CNTN1: variants seen among roughly 807,000 people sequenced by gnomAD.
The protein encoded by CNTN1 is contactin-1.
In CNTN1, 38 loss-of-function variants were observed where a neutral mutation model predicts 126.4. The ratio of observed to expected loss-of-function variants is 0.30; its 90% confidence interval spans 0.23 to 0.39. CNTN1 has a LOEUF of 0.39. CNTN1 is among the 10% of genes least tolerant of loss of function. The pLI, the probability that CNTN1 is intolerant of heterozygous loss-of-function variation, is 1.00. For synonymous variants in CNTN1, 413 were observed against 422.6 expected (o/e 0.98, Z 0.28); for missense variants, 1,009 against 1,248.4 (o/e 0.81, Z 2.89).
chr12:41,008,359 T>C (rs181632496), intron 17 of CNTN1, among the ~76,000 whole-genome samples: 2 of 152,378 alleles, frequency 1.3e-5, no homozygotes, highest in Admixed American at 6.5e-5. Flanking sequence ...GGTTTGCTTC[T>C]ACCAAATGTT....
In CNTN1 at chr12:40,747,305, A is replaced by ATGTGTGTGTGTGTGTG. The variant is rs58826763; in HGVS notation, c.-77+54725_-77+54740dup. ...TAGTATTCCAATATTTTGTGAAGGG[A>ATGTGTGTGTGTGTGTG]TGTGTGTGTGTGTGTGTGTGTGTGT... On this transcript the variant is annotated intron_variant, in intron 1 of 23. Coordinates refer to ENST00000551295, the MANE Select transcript of CNTN1 (RefSeq NM_001843.4). Among the ~76,000 whole-genome samples, 477 of 148,344 alleles carry ATGTGTGTGTGTGTGTG rather than the reference A, an allele frequency of 3.2e-3. 3 individuals carry two copies. Among genetic ancestry groups the ATGTGTGTGTGTGTGTG allele is most frequent in the East Asian group, 0.014 (68 of 4,990 alleles).
chr12:40,714,004 T>A (rs1941988718), intron 1 of CNTN1, among the ~76,000 whole-genome samples: 1 of 152,036 alleles, frequency 6.6e-6, no homozygotes, highest in Admixed American at 6.6e-5. Context: ...TGCCGATCAC[T>A]GGAAAGATCT....
chr12:40,807,539 C>T (rs1357780078), intron 1 of CNTN1, among the ~76,000 whole-genome samples: 2 of 152,146 alleles, frequency 1.3e-5, no homozygotes. Context: ...CTCTCATTTT[C>T]AAGGACTCTG....
At chr12:40,972,016 A>C (rs1003251192) in intron 15 of CNTN1, 36 of 986,610 alleles carry the variant, frequency 3.6e-5, no homozygotes, top group Non-Finnish European at 4.3e-5. Context: ...AGTACCATAC[A>C]TATTCTTTGG....
intron 17 of CNTN1, among the ~76,000 whole-genome samples, chr12:41,013,353 T>C (rs1026364226): frequency 6.6e-6 from 1 of 152,162 alleles, no homozygotes; most frequent in African/African-American, 2.4e-5. Context: ...TGCTTGTTTA[T>C]GTCTGCAGCT....
rs868616782 is a variant in CNTN1, at chr12:41,028,091, G to A, written c.2823+122G>A. On this transcript the variant is annotated intron_variant, in intron 22 of 23. Transcript: ENST00000551295. Reference sequence around the variant, plus strand: ...CTGTCACCCAGACCGGAGTGCAGTGGTACAATCTTGGCTCATTGCAGCCTC... The same window carrying A: ...CTGTCACCCAGACCGGAGTGCAGTGATACAATCTTGGCTCATTGCAGCCTC... 1.9e-5 allele frequency: 13 copies of A among 701,528 alleles called. No individual in the cohort carries two copies. The Middle Eastern group carries it at 1.1e-3, about 61-fold the overall frequency. The allele number at this position is 701,528 out of a possible 1,614,324, so 43.5% of individuals were successfully genotyped here. A position where few individuals can be genotyped will look rare whatever the true frequency, so the allele number is the denominator to read the frequency against.
chr12:40,712,592 A>G (rs1941947377), intron 1 of CNTN1, among the ~76,000 whole-genome samples: 2 of 151,992 alleles, frequency 1.3e-5, no homozygotes, highest in South Asian at 4.1e-4. Context: ...AGCCCAACCA[A>G]CCCCATAGCC....
rs142151923 is a variant in CNTN1, at chr12:41,047,129, C to T, written c.2980+17910C>T. On this transcript the variant is annotated intron_variant, in intron 23 of 23. Coordinates refer to ENST00000551295, the MANE Select transcript of CNTN1 (RefSeq NM_001843.4). ...CTTGCATTCCCATCCCCAACATTCA[C>T]CCTCTCACCAGCACCACATACCTAG... Among the ~76,000 whole-genome samples, 63 of 152,138 alleles carry T rather than the reference C, an allele frequency of 4.1e-4. 1 individual carries two copies. The East Asian group carries it at 0.01, about 25-fold the overall frequency.
At chr12:40,696,668 C>G (rs1941459391) in intron 1 of CNTN1, among the ~76,000 whole-genome samples, 1 of 152,142 alleles carries the variant, frequency 6.6e-6, no homozygotes, top group Non-Finnish European at 1.5e-5. Flanking sequence ...AATGTAGCAG[C>G]AGGAGGATGG....
chr12:40,792,503 GA>G (rs11344765), intron 1 of CNTN1, among the ~76,000 whole-genome samples: 146,303 of 152,022 alleles, frequency 0.96, 70,640 homozygotes, highest in East Asian at 1. Flanking sequence ...AGGAGGTAAT[GA>G]AAAACATTCA....
chr12:40,890,518 T>C (rs1327285368), intron 1 of CNTN1, among the ~76,000 whole-genome samples: 1 of 152,116 alleles, frequency 6.6e-6, no homozygotes, highest in Non-Finnish European at 1.5e-5. Flanking sequence ...TTCTCCCTCC[T>C]TGCTAACCCC....
At chr12:40,747,552 T>C (rs1298762906) in intron 1 of CNTN1, among the ~76,000 whole-genome samples, 2 of 152,094 alleles carry the variant, frequency 1.3e-5, no homozygotes, top group Non-Finnish European at 2.9e-5. Flanking sequence ...GTTCTAAGTA[T>C]GTGGACCCAC....
intron 1 of CNTN1, among the ~76,000 whole-genome samples, chr12:40,903,793 A>G (rs1944701717): frequency 6.6e-6 from 1 of 152,234 alleles, no homozygotes; most frequent in Admixed American, 6.5e-5. Context: ...GGAATAACAC[A>G]GAGAGGCTCA....
At chr12:40,767,064 A>G (rs1939123261) in intron 1 of CNTN1, among the ~76,000 whole-genome samples, 1 of 152,182 alleles carries the variant, frequency 6.6e-6, no homozygotes, top group African/African-American at 2.4e-5. Context: ...TGGGTTAATA[A>G]TAATGAACAT....
intron 1 of CNTN1, among the ~76,000 whole-genome samples, chr12:40,778,597 T>A (rs941940511): frequency 2.6e-5 from 4 of 151,864 alleles, no homozygotes; most frequent in African/African-American, 9.7e-5. Flanking sequence ...TTTCAAAGTA[T>A]CTTTTATGAA....
At chr12:40,850,029 A>G (rs996244331) in intron 1 of CNTN1, among the ~76,000 whole-genome samples, 1 of 152,078 alleles carries the variant, frequency 6.6e-6, no homozygotes, top group African/African-American at 2.4e-5. Context: ...AATCAATTCC[A>G]ATCAACTCTT....
At chr12:40,712,517 C>T (rs1941944954) in intron 1 of CNTN1, among the ~76,000 whole-genome samples, 1 of 151,962 alleles carries the variant, frequency 6.6e-6, no homozygotes, top group South Asian at 2.1e-4. Flanking sequence ...TGCTAGGAAC[C>T]TGCTGATCCA....
intron 1 of CNTN1, among the ~76,000 whole-genome samples, chr12:40,841,861 TAGA>T (rs943113259): frequency 2.0e-5 from 3 of 152,012 alleles, no homozygotes; most frequent in African/African-American, 4.8e-5. Flanking sequence ...CCTTAAGAAC[TAGA>T]AGAAGACAAG....
intron 1 of CNTN1, among the ~76,000 whole-genome samples, chr12:40,827,449 A>G (rs1941651793): frequency 6.6e-6 from 1 of 152,132 alleles, no homozygotes; most frequent in African/African-American, 2.4e-5. Flanking sequence ...TTTTATAGCC[A>G]CATATTTTCT....
Sources: allele counts gnomAD v4.1 joint callset (sites outside exome capture counted in the v4.1 genomes callset), GRCh38; gene constraint gnomAD v4.1.1; transcripts MANE v1.5; gene names NCBI Gene and HGNC (gene_info 2026-07-23, HGNC 2026-07-21).